SIMC1: variants seen among roughly 807,000 people sequenced by gnomAD.
SIMC1 encodes the protein SUMO-interacting motif-containing protein 1.
A neutral mutation model predicts 82.3 loss-of-function variants in SIMC1; 55 were observed. The ratio of observed to expected loss-of-function variants is 0.67; its 90% confidence interval spans 0.54 to 0.84. The LOEUF is 0.84. SIMC1 is among the 40% of genes least tolerant of loss of function. The pLI, the probability that SIMC1 is intolerant of heterozygous loss-of-function variation, is 0.00. For missense variants in SIMC1, 915 were observed against 1,107.2 expected, an observed-to-expected ratio of 0.83 and a Z score of 2.46; for synonymous variants, 353 against 426.3, an observed-to-expected ratio of 0.83 and a Z score of 2.12.
At chr5:176,296,207 C>T (rs374131162) in intron 3 of SIMC1, 44 bp from the exon 4 acceptor site, 370 of 1,596,858 alleles carry the variant, frequency 2.3e-4, no homozygotes, top group South Asian at 3.5e-4. Context: ...TCCCTTCTTC[C>T]GCTAAATTCT....
At chr5:176,282,789 G>A (rs1309691863) in intron 1 of SIMC1, among the ~76,000 whole-genome samples, 1 of 152,226 alleles carries the variant, frequency 6.6e-6, no homozygotes, top group African/African-American at 2.4e-5. Flanking sequence ...AAGATTAGAC[G>A]AATGGCTAAC....
At position 176,289,758 on chromosome 5, in the gene SIMC1, C is replaced by T; in HGVS notation, c.234C>T (p.Ala78=). 1 of 1,613,890 alleles carries T rather than the reference C, an allele frequency of 6.2e-7. No individual in the cohort carries two copies. Among genetic ancestry groups the T allele is most frequent in the Non-Finnish European group, 8.5e-7 (1 of 1,179,850 alleles). The change falls in exon 2 of 10, where the codon GCC becomes GCT. Residue 78 remains alanine (A), a synonymous_variant. Coordinates refer to ENST00000429602, the MANE Select transcript of SIMC1 (RefSeq NM_001308195.2). The part of the protein sequence containing the change: ...TRAEGENRPI[A]TLDLTLEPVT... Reference sequence around the variant, plus strand: ...CTGAGGGAGAAAATAGACCTATTGCCACTCTTGACTTAACTTTAGAACCTG... The same window carrying T: ...CTGAGGGAGAAAATAGACCTATTGCTACTCTTGACTTAACTTTAGAACCTG...
At chr5:176,327,848 T>G (rs971397859) in intron 7 of SIMC1, among the ~76,000 whole-genome samples, 3 of 152,192 alleles carry the variant, frequency 2.0e-5, no homozygotes, top group African/African-American at 7.2e-5. Flanking sequence ...ATAATCATAG[T>G]TTTTCTTCTT....
intron 4 of SIMC1, chr5:176,313,334 C>A: frequency 1.4e-6 from 2 of 1,478,640 alleles, no homozygotes; most frequent in Non-Finnish European, 9.0e-7. Context: ...CTTCCCATGG[C>A]TGCCTCTTAA....
chr5:176,343,920 G>A (rs1167502300), intron 9 of SIMC1, among the ~76,000 whole-genome samples: 5 of 151,858 alleles, frequency 3.3e-5, no homozygotes, highest in East Asian at 3.9e-4. Context: ...TCAGGCTTCC[G>A]AGTAGCTGGG....
In SIMC1 at chr5:176,334,573, C is replaced by T. The variant is rs565355360; in HGVS notation, c.2172-2147C>T. ...CACCAGGCTTTTGGGGCTTCCCCTA[C>T]ACATGTGCCAACAGGTTCCCTTACA... On this transcript the variant is annotated intron_variant, in intron 7 of 9. Coordinates refer to ENST00000429602, the MANE Select transcript of SIMC1 (RefSeq NM_001308195.2). 8.3e-4 allele frequency among the ~76,000 whole-genome samples: 127 copies of T among 152,310 alleles called. 5 individuals carry two copies. In the South Asian group the frequency reaches 0.025, roughly 31 times the overall value.
At chr5:176,296,087 A>T (rs999054515) in intron 3 of SIMC1, 164 bp from the exon 4 acceptor site, 2 of 1,271,870 alleles carry the variant, frequency 1.6e-6, no homozygotes, top group Non-Finnish European at 2.1e-6. Flanking sequence ...AAAACAATGA[A>T]GTTCCACTAC....
chr5:176,286,524 C>T (rs1417486042), intron 1 of SIMC1, among the ~76,000 whole-genome samples: 2 of 152,142 alleles, frequency 1.3e-5, no homozygotes, highest in Non-Finnish European at 2.9e-5. Context: ...GATCTAAAAG[C>T]ATAAAAACCC....
At chr5:176,275,026 G>C (rs566295806) in intron 1 of SIMC1, among the ~76,000 whole-genome samples, 139 of 151,900 alleles carry the variant, frequency 9.2e-4, no homozygotes, top group African/African-American at 3.1e-3. Flanking sequence ...GTCATTGGTA[G>C]CTTGATGGGG....
chr5:176,312,657 C>T (rs1452253403), intron 4 of SIMC1, among the ~76,000 whole-genome samples: 3 of 151,926 alleles, frequency 2.0e-5, no homozygotes, highest in Non-Finnish European at 2.9e-5. Context: ...ATATTGTCAC[C>T]TCCTCCCAAA....
intron 1 of SIMC1, among the ~76,000 whole-genome samples, chr5:176,280,191 G>C (rs903236560): frequency 6.6e-6 from 1 of 152,082 alleles, no homozygotes; most frequent in African/African-American, 2.4e-5. Context: ...AGGATAGTTA[G>C]GTCTTCTTGT....
intron 6 of SIMC1, among the ~76,000 whole-genome samples, chr5:176,323,151 A>G (rs1031194899): frequency 6.6e-6 from 1 of 152,212 alleles, no homozygotes; most frequent in African/African-American, 2.4e-5. Context: ...ACAAGTTTAA[A>G]TTGTTTCCTA....
At chr5:176,316,107 A>G (rs901098645) in intron 5 of SIMC1, among the ~76,000 whole-genome samples, 8 of 151,666 alleles carry the variant, frequency 5.3e-5, no homozygotes, top group Non-Finnish European at 1.0e-4. Context: ...CCTGAGTGGC[A>G]GAGGTTGCAG....
chr5:176,269,773 C>T (rs1020826208), intron 1 of SIMC1, among the ~76,000 whole-genome samples: 1 of 151,992 alleles, frequency 6.6e-6, no homozygotes, highest in Admixed American at 6.6e-5. Flanking sequence ...AGAGATGACG[C>T]CTCACTCTAT....
In SIMC1 at chr5:176,308,850, A is replaced by T. The variant is rs1221133373; in HGVS notation, c.1735-4841A>T. On this transcript the variant is annotated intron_variant, in intron 4 of 9. Coordinates refer to ENST00000429602, the MANE Select transcript of SIMC1 (RefSeq NM_001308195.2). Reference sequence around the variant, plus strand: ...ACATCTGGACTCATAACCAAGATCCATAATGGCTCAGTGTTTACCAAGAAT... The same window carrying T: ...ACATCTGGACTCATAACCAAGATCCTTAATGGCTCAGTGTTTACCAAGAAT... The T allele has an allele frequency of 6.4e-6, 8 of 1,259,186 alleles. No individual in the cohort carries two copies. In the Admixed American group the frequency reaches 1.3e-4, roughly 21 times the overall value. 78.0% of individuals were successfully genotyped at this position (1,259,186 alleles called of 1,614,324 possible).
intron 9 of SIMC1, among the ~76,000 whole-genome samples, chr5:176,342,501 C>T (rs947279591): frequency 2.0e-5 from 3 of 152,186 alleles, no homozygotes; most frequent in Non-Finnish European, 4.4e-5. Flanking sequence ...GTATATGCAT[C>T]CCCAGTGCTT....
At chr5:176,328,127 C>T (rs948925249) in intron 7 of SIMC1, among the ~76,000 whole-genome samples, 4 of 152,146 alleles carry the variant, frequency 2.6e-5, no homozygotes, top group Non-Finnish European at 4.4e-5. Flanking sequence ...GTCTCGAACT[C>T]CTGACCTCAG....
chr5:176,299,566 A>G lies in SIMC1; in HGVS notation c.1734+3246A>G, dbSNP rs186931181. 3.7e-3 allele frequency among the ~76,000 whole-genome samples: 559 copies of G among 152,350 alleles called. 3 individuals carry two copies. Among genetic ancestry groups the G allele is most frequent in the African/African-American group, 0.013 (531 of 41,580 alleles). On this transcript the variant is annotated intron_variant, in intron 4 of 9. Coordinates refer to ENST00000429602, the MANE Select transcript of SIMC1 (RefSeq NM_001308195.2). ...AAGGACATTATATAATAAAAGGGTC[A>G]ATTCACCAAGGAGGTATAACAATTA...
At chr5:176,301,635 C>T (rs982804930) in intron 4 of SIMC1, among the ~76,000 whole-genome samples, 2 of 151,978 alleles carry the variant, frequency 1.3e-5, no homozygotes, top group African/African-American at 2.4e-5. Flanking sequence ...AAAAATTAAC[C>T]GAGTATGGTG....
Sources: gnomAD v4.1 joint callset for allele counts (sites outside exome capture counted in the v4.1 genomes callset) on GRCh38, gnomAD v4.1.1 for gene constraint, MANE v1.5 for transcripts, NCBI Gene and HGNC (gene_info 2026-07-23, HGNC 2026-07-21) for gene names.